ZNF317: variants seen among roughly 807,000 people sequenced by gnomAD.
ZNF317 encodes zinc finger protein 317.
In ZNF317, 17 loss-of-function variants were observed where a neutral mutation model predicts 23.4. The observed-to-expected ratio is 0.73, with a 90% CI of 0.50 to 1.09. The LOEUF (loss-of-function observed/expected upper bound fraction) is 1.09. Among genes scored for constraint, ZNF317 ranks in the 50% least tolerant of loss-of-function variants. The pLI, the probability that ZNF317 is intolerant of heterozygous loss-of-function variation, is 0.00. For synonymous variants in ZNF317, 317 were observed against 314.9 expected (o/e 1.01, Z -0.07); for missense variants, 679 against 796.7 (o/e 0.85, Z 1.78).
rs180946171 is a variant in ZNF317, at chr19:9,147,925, T to G, written c.-93+7333T>G. ...CGATTGGATCAGGGGGGCAGATTTC[T>G]CATGAATGGCTTAGCACCATCCCCC... On this transcript the variant is annotated intron_variant, in intron 1 of 6. Coordinates refer to ENST00000247956, the MANE Select transcript of ZNF317 (RefSeq NM_020933.5). 2.7e-3 allele frequency among the ~76,000 whole-genome samples: 412 copies of G among 152,262 alleles called. 2 individuals are homozygous for G. Among genetic ancestry groups the G allele is most frequent in the Non-Finnish European group, 2.1e-3 (143 of 68,014 alleles).
Position 9,161,123 on chromosome 19 carries a change from T to C in ZNF317, c.1478T>C (p.Met493Thr). The C allele has an allele frequency of 2.5e-6, 4 of 1,614,154 alleles. No individual in the cohort carries two copies. Among genetic ancestry groups the C allele is most frequent in the Non-Finnish European group, 3.4e-6 (4 of 1,180,026 alleles). ...FGDYLSRRRH[M>T]SVHLVKKRVE... ...GACTATTTATCCCGGCGGAGGCACA[T>C]GAGCGTTCACCTTGTAAAGAAACGA... Residue 493 changes from methionine to threonine, a missense_variant, in exon 7 of 7, where the codon ATG becomes ACG. By Grantham distance (81) the Met-to-Thr change is moderately conservative (BLOSUM62 -1). Coordinates refer to ENST00000247956, the MANE Select transcript of ZNF317 (RefSeq NM_020933.5). The surrounding 1 kb of genome is among the most constrained non-coding windows in gnomAD (Gnocchi z 4.0).
Position 9,155,965 on chromosome 19 carries a change from T to C in ZNF317, c.-52T>C. On this transcript the variant is annotated 5_prime_UTR_variant, in exon 2 of 7. Transcript: ENST00000247956. Reference sequence around the variant, plus strand: ...GTCACGTGAGAGCAAGAGAGTAGCTTTCTGGTTGTCCTGGTGCCCTGCTCA... The same window carrying C: ...GTCACGTGAGAGCAAGAGAGTAGCTCTCTGGTTGTCCTGGTGCCCTGCTCA... 6.2e-7 allele frequency: 1 copy of C among 1,613,182 alleles called. No individual in the cohort carries two copies.
intron 1 of ZNF317, among the ~76,000 whole-genome samples, chr19:9,150,110 G>A (rs932540078): frequency 4.6e-5 from 7 of 152,178 alleles, no homozygotes; most frequent in Non-Finnish European, 8.8e-5. Flanking sequence ...CAGCACAGTT[G>A]TAGGTGTTTA....
rs1169759802 is a variant in ZNF317, at chr19:9,160,210, G to A, written c.565G>A (p.Ala189Thr). The stretch of plus-strand genomic sequence containing the variant: ...TCTCACTCAGCCAATGGGAAGGCAC[G>A]CTGGCAAGAGGCCCTATCACCGCCG... ...PHLTQPMGRH[A>T]GKRPYHRRDY... is the part of the protein sequence containing the mutation. Residue 189 changes from alanine to threonine, a missense_variant, in exon 7 of 7, where the codon GCT becomes ACT. Coordinates refer to ENST00000247956, the MANE Select transcript of ZNF317 (RefSeq NM_020933.5). This position sits in a 1 kb window ranked among gnomAD's most constrained non-coding sequence, Gnocchi z 6.8. The A allele has an allele frequency of 4.3e-6, 7 of 1,614,114 alleles. No homozygotes were observed. The highest frequency in any genetic ancestry group is 1.1e-5 in the South Asian group (1 of 91,088).
chr19:9,145,283 GA>G (rs1421499497), intron 1 of ZNF317, among the ~76,000 whole-genome samples: 1 of 152,052 alleles, frequency 6.6e-6, no homozygotes, highest in East Asian at 1.9e-4. Context: ...CTAGAAATGT[GA>G]GTTTTTCGTT....
intron 1 of ZNF317, among the ~76,000 whole-genome samples, chr19:9,151,447 G>A (rs1434084742): frequency 6.6e-6 from 1 of 152,132 alleles, no homozygotes; most frequent in Non-Finnish European, 1.5e-5. Context: ...ATGTTTAAAA[G>A]TGGTAATATT....
chr19:9,160,883 T>A lies in ZNF317; in HGVS notation c.1238T>A (p.Ile413Asn). 6.2e-7 allele frequency: 1 copy of A among 1,613,916 alleles called. No individual in the cohort carries two copies. The highest frequency in any genetic ancestry group is 1.1e-5 in the South Asian group (1 of 91,074). The change falls in exon 7 of 7, where the codon ATC becomes AAC. Residue 413 changes from isoleucine to asparagine, a missense_variant. Transcript: ENST00000247956. This position sits in a 1 kb window ranked among gnomAD's most constrained non-coding sequence, Gnocchi z 6.8. The stretch of plus-strand genomic sequence containing the variant: ...CGGAGGAAACACATGAGGATTCACA[T>A]CGTCAAGAAACCCGTGGAATGTCGG... ...VSRRKHMRIH[I>N]VKKPVECRQC...
At chr19:9,150,951 C>T (rs1250938746) in intron 1 of ZNF317, among the ~76,000 whole-genome samples, 1 of 152,044 alleles carries the variant, frequency 6.6e-6, no homozygotes, top group Non-Finnish European at 1.5e-5. Context: ...AGAATAATTC[C>T]GGGAGGTTGT....
Position 9,161,516 on chromosome 19 carries a change from C to A in ZNF317, c.*83C>A, listed in dbSNP as rs1156395830. ...AAGAGGAAGCCTCTGTGAGCTCGCA[C>A]CTTACTGGGTGCAAAAGAATCCACG... is the stretch of plus-strand genomic sequence containing the variant. On this transcript the variant is annotated 3_prime_UTR_variant, in exon 7 of 7. Transcript: ENST00000247956. This position sits in a 1 kb window ranked among gnomAD's most constrained non-coding sequence, Gnocchi z 4.0. 4.0e-6 allele frequency: 6 copies of A among 1,514,778 alleles called. No individual in the cohort carries two copies. The highest frequency in any genetic ancestry group is 5.3e-6 in the Non-Finnish European group (6 of 1,130,772). The allele number at this position is 1,514,778 out of a possible 1,614,324, so 93.8% of individuals were successfully genotyped here. A position where few individuals can be genotyped will look rare whatever the true frequency, so the allele number is the denominator to read the frequency against.
Position 9,160,413 on chromosome 19 carries a change from G to A in ZNF317, c.768G>A (p.Gly256=), listed in dbSNP as rs1200453356. Reference sequence around the variant, plus strand: ...AGCCTTACGAGTGCAGCGACTGCGGGAAAGCCTTCAACGACCCTTCAGCCC... The same window carrying A: ...AGCCTTACGAGTGCAGCGACTGCGGAAAAGCCTTCAACGACCCTTCAGCCC... ...GEKPYECSDC[G]KAFNDPSALR... is the part of the protein sequence containing the mutation. Residue 256 remains glycine, a synonymous_variant, in exon 7 of 7, where the codon GGG becomes GGA. Transcript: ENST00000247956. The surrounding 1 kb of genome is among the most constrained non-coding windows in gnomAD (Gnocchi z 6.8). The A allele has an allele frequency of 6.2e-7, 1 of 1,614,094 alleles. No homozygotes were observed. Among genetic ancestry groups the A allele is most frequent in the Admixed American group, 1.7e-5 (1 of 59,998 alleles).
At chr19:9,159,228 G>A (rs989074961) in intron 6 of ZNF317, among the ~76,000 whole-genome samples, 7 of 151,928 alleles carry the variant, frequency 4.6e-5, no homozygotes, top group African/African-American at 1.5e-4. Context: ...TTTATTTTTT[G>A]GGGGGCAGAC....
chr19:9,141,062 T>G (rs542985184), intron 1 of ZNF317, among the ~76,000 whole-genome samples: 3 of 147,594 alleles, frequency 2.0e-5, no homozygotes, highest in Non-Finnish European at 4.5e-5. Context: ...CTTTTTTATT[T>G]ATTTTAATTT....
At position 9,162,616 on chromosome 19, in the gene ZNF317, C is replaced by T. The variant is rs1472664726; in HGVS notation, c.*1183C>T. The stretch of plus-strand genomic sequence containing the variant: ...ATTTTCCGGTGAATACGGGACTGCA[C>T]GTACTCTCTCATCATGAAAACAGAG... On this transcript the variant is annotated 3_prime_UTR_variant, in exon 7 of 7. Coordinates refer to ENST00000247956, the MANE Select transcript of ZNF317 (RefSeq NM_020933.5). The T allele has an allele frequency of 6.6e-6, 1 of 151,214 alleles. No individual in the cohort carries two copies. The highest frequency in any genetic ancestry group is 2.4e-5 in the African/African-American group (1 of 41,054). The allele number at this position is 151,214 out of a possible 1,614,324, so 9.4% of individuals were successfully genotyped here.
chr19:9,146,619 G>A (rs911255953), intron 1 of ZNF317, among the ~76,000 whole-genome samples: 3 of 151,288 alleles, frequency 2.0e-5, no homozygotes, highest in East Asian at 3.9e-4. Flanking sequence ...TAGTAGAAAC[G>A]GGGTTTCACC....
At chr19:9,144,404 T>A (rs1477636275) in intron 1 of ZNF317, among the ~76,000 whole-genome samples, 2 of 152,230 alleles carry the variant, frequency 1.3e-5, no homozygotes, top group Non-Finnish European at 2.9e-5. Flanking sequence ...TTTATTCTGT[T>A]AGCATCTTCT....
chr19:9,145,770 T>G (rs555065212), intron 1 of ZNF317, among the ~76,000 whole-genome samples: 1 of 152,264 alleles, frequency 6.6e-6, no homozygotes, highest in Non-Finnish European at 1.5e-5. Flanking sequence ...GCTGTATTTA[T>G]GTTCCTCAAC....
chr19:9,149,573 G>C (rs2050718481), intron 1 of ZNF317, among the ~76,000 whole-genome samples: 1 of 152,096 alleles, frequency 6.6e-6, no homozygotes, highest in Non-Finnish European at 1.5e-5. Context: ...GAGAATGTGG[G>C]GGAAACATTT....
rs555248117 is a variant in ZNF317 at position 9,144,644 on chromosome 19, T to C, written c.-93+4052T>C. On this transcript the variant is annotated intron_variant, in intron 1 of 6. Transcript: ENST00000247956. ...CTTATGCATTTTCATTCTTTCTTTATTGATATATCATAGTTGCACATATTG... is the reference window on the plus strand; with the variant it reads ...CTTATGCATTTTCATTCTTTCTTTACTGATATATCATAGTTGCACATATTG... Among the ~76,000 whole-genome samples the C allele has an allele frequency of 1.2e-4, 18 of 152,342 alleles. No homozygotes were observed. The South Asian group carries it at 3.5e-3, about 30-fold the overall frequency.
In ZNF317 at chr19:9,158,020, G is replaced by A. The variant is rs2050804452; in HGVS notation, c.330G>A (p.Glu110=). 2 of 1,551,582 alleles carry A rather than the reference G, an allele frequency of 1.3e-6. No homozygotes were observed. Among genetic ancestry groups the A allele is most frequent in the Admixed American group, 2.0e-5 (1 of 50,996 alleles). ...VGKPSLISHL[E]QEEEPRTEER... The stretch of plus-strand genomic sequence containing the variant: ...AACCCAGCCTCATCTCACACTTGGA[G>A]CAGGAGGAGGAGCCGAGGACAGAGG... Residue 110 remains glutamate (E), a synonymous_variant, in exon 5 of 7, where the codon GAG becomes GAA. Coordinates refer to ENST00000247956, the MANE Select transcript of ZNF317 (RefSeq NM_020933.5).
Sources: allele counts gnomAD v4.1 joint callset (sites outside exome capture counted in the v4.1 genomes callset), GRCh38; gene constraint gnomAD v4.1.1; non-coding constraint Gnocchi (gnomAD v3.1); transcripts MANE v1.5; gene names NCBI Gene and HGNC (gene_info 2026-07-23, HGNC 2026-07-21).